Variants in NPNT observed in about 807,000 individuals in gnomAD.
NPNT encodes nephronectin.
Under a neutral mutation model 68.6 loss-of-function variants are expected in NPNT, and 45 were observed. That is an observed-to-expected ratio of 0.66 (90% CI 0.52 to 0.84). The LOEUF is 0.84. NPNT is among the 40% of genes least tolerant of loss of function. NPNT has a pLI of 0.00. For synonymous variants in NPNT, 233 were observed against 253.3 expected, an observed-to-expected ratio of 0.92 and a Z score of 0.76; for missense variants, 672 against 714.8, an observed-to-expected ratio of 0.94 and a Z score of 0.68.
intron 2 of NPNT, among the ~76,000 whole-genome samples, chr4:105,925,836 A>C (rs1728636616): frequency 6.6e-6 from 1 of 152,124 alleles, no homozygotes; most frequent in African/African-American, 2.4e-5. Context: ...CATCCTACAT[A>C]CCATCACCAG....
intron 2 of NPNT, among the ~76,000 whole-genome samples, chr4:105,906,509 A>G (rs1225617905): frequency 6.6e-6 from 1 of 152,224 alleles, no homozygotes. Flanking sequence ...ACGTTCAGCT[A>G]GATACAGCCC....
intron 7 of NPNT, 104 bp downstream of exon 7, chr4:105,940,740 A>C (rs192998733): frequency 2.0e-6 from 2 of 994,440 alleles, no homozygotes; most frequent in Admixed American, 4.7e-5. Flanking sequence ...AAAGAAGTAT[A>C]ATTGTCATAA....
Position 105,938,293 on chromosome 4 carries a change from C to T in NPNT, c.386-8C>T, listed in dbSNP as rs1187624537. 6.2e-7 allele frequency: 1 copy of T among 1,611,962 alleles called. No individual in the cohort carries two copies. Among genetic ancestry groups the T allele is most frequent in the South Asian group, 1.1e-5 (1 of 90,644 alleles). ...CCTGTCTGAGTCAGCCAGTCACTCT[C>T]TTTCCAGGTGCCCTGACCTGCTCCA... On this transcript the variant is annotated splice_region_variant and splice_polypyrimidine_tract_variant and intron_variant, in intron 4 of 11. Transcript: ENST00000379987.
chr4:105,926,392 G>A (rs985738999), intron 2 of NPNT, among the ~76,000 whole-genome samples: 4 of 152,120 alleles, frequency 2.6e-5, no homozygotes, highest in African/African-American at 9.7e-5. Context: ...TCCGAGTCTG[G>A]CACGATGACA....
intron 2 of NPNT, among the ~76,000 whole-genome samples, chr4:105,903,384 G>A (rs929544733): frequency 2.0e-5 from 3 of 152,144 alleles, no homozygotes; most frequent in African/African-American, 7.2e-5. Flanking sequence ...ACAGGGGTGG[G>A]CCTTCATCAC....
At chr4:105,914,816 C>T (rs952392370) in intron 2 of NPNT, among the ~76,000 whole-genome samples, 7 of 152,008 alleles carry the variant, frequency 4.6e-5, no homozygotes, top group Admixed American at 1.3e-4. Context: ...GAGCACATTC[C>T]GAGAACTGTT....
At chr4:105,948,398 G>A (rs1730554130) in intron 8 of NPNT, among the ~76,000 whole-genome samples, 1 of 152,114 alleles carries the variant, frequency 6.6e-6, no homozygotes, top group Non-Finnish European at 1.5e-5. Context: ...ACATCACTTT[G>A]GAAGAGTTAC....
rs1732534708 is a variant in NPNT, at chr4:105,971,126, G to C, written c.*2136G>C. On this transcript the variant is annotated 3_prime_UTR_variant, in exon 12 of 12. Transcript: ENST00000379987. ...TTTTTTTTTTAAGAGATCCTTCAAG[G>C]AACACAGTTCAGAGAGATTTTCATC... 2.2e-6 allele frequency: 1 copy of C among 452,360 alleles called. No individual in the cohort carries two copies. The highest frequency in any genetic ancestry group is 4.5e-6 in the Non-Finnish European group (1 of 224,220). 28.0% of individuals were successfully genotyped at this position (452,360 alleles called of 1,614,324 possible).
At position 105,940,085 on chromosome 4, in the gene NPNT, A is replaced by G; in HGVS notation, c.516A>G (p.Glu172=). Residue 172 remains glutamate, a synonymous_variant, in exon 6 of 12, where the codon GAA becomes GAG. Coordinates refer to ENST00000379987, the MANE Select transcript of NPNT (RefSeq NM_001033047.3). Reference sequence around the variant, plus strand: ...GACTTATGTTTCTAGATGTTGATGAATGTGCTACAGGAAGAGCCTCCTGCC... The same window carrying G: ...GACTTATGTTTCTAGATGTTGATGAGTGTGCTACAGGAAGAGCCTCCTGCC... The part of the protein sequence containing the change: ...PDGRTCVDVD[E]CATGRASCPR... The G allele has an allele frequency of 6.2e-7, 1 of 1,613,324 alleles. No individual in the cohort carries two copies. The highest frequency in any genetic ancestry group is 8.5e-7 in the Non-Finnish European group (1 of 1,179,430).
intron 2 of NPNT, among the ~76,000 whole-genome samples, chr4:105,917,165 C>T (rs1727886807): frequency 6.6e-6 from 1 of 152,216 alleles, no homozygotes; most frequent in Non-Finnish European, 1.5e-5. Context: ...TTCAGGCTGA[C>T]ATTGCCTTAT....
intron 8 of NPNT, among the ~76,000 whole-genome samples, chr4:105,950,080 T>C (rs1054414603): frequency 2.0e-5 from 3 of 152,262 alleles, no homozygotes; most frequent in Non-Finnish European, 2.9e-5. Flanking sequence ...GTGAGGATTC[T>C]GATTCTTAAT....
chr4:105,929,176 C>A (rs558343490), intron 3 of NPNT, among the ~76,000 whole-genome samples: 1 of 152,188 alleles, frequency 6.6e-6, no homozygotes, highest in East Asian at 1.9e-4. Context: ...TGTTCAACTC[C>A]CACTTATGAA....
Position 105,971,226 on chromosome 4 carries a change from AGACCTTTCCTT to A in NPNT, c.*2237_*2247del, listed in dbSNP as rs1294463384. On this transcript the variant is annotated 3_prime_UTR_variant, in exon 12 of 12. Transcript: ENST00000379987. ...AAAGAGTGCCCTGCCCCACACCGGC[AGACCTTTCCTT>A]CACCTCATCAGTATGATTCAGTTTC... 1.1e-5 allele frequency: 5 copies of A among 449,390 alleles called. No individual in the cohort carries two copies. Among genetic ancestry groups the A allele is most frequent in the African/African-American group, 4.0e-5 (2 of 49,688 alleles). 27.8% of individuals were successfully genotyped at this position (449,390 alleles called of 1,614,324 possible).
chr4:105,916,283 G>A (rs1269076838), intron 2 of NPNT, among the ~76,000 whole-genome samples: 1 of 151,288 alleles, frequency 6.6e-6, no homozygotes, highest in Non-Finnish European at 1.5e-5. Flanking sequence ...GCAATGGTGC[G>A]AGCTCTGCTC....
intron 1 of NPNT, chr4:105,895,987 G>C (rs910939062): frequency 6.1e-6 from 3 of 495,118 alleles, no homozygotes; most frequent in Non-Finnish European, 1.1e-5. Context: ...AATTAGGACT[G>C]AGGGAGAGGA....
chr4:105,921,405 T>C (rs962240140), intron 2 of NPNT, among the ~76,000 whole-genome samples: 1 of 152,232 alleles, frequency 6.6e-6, no homozygotes, highest in African/African-American at 2.4e-5. Context: ...GAAGATAGTG[T>C]CTGCCTCTCT....
At chr4:105,963,274 AATT>A (rs1731877302) in intron 10 of NPNT, among the ~76,000 whole-genome samples, 1 of 152,130 alleles carries the variant, frequency 6.6e-6, no homozygotes, top group Non-Finnish European at 1.5e-5. Flanking sequence ...TTACCAAGCT[AATT>A]ATTTACCTAT....
intron 3 of NPNT, among the ~76,000 whole-genome samples, chr4:105,934,564 A>G (rs1640068159): frequency 6.6e-6 from 1 of 152,206 alleles, no homozygotes; most frequent in Non-Finnish European, 1.5e-5. Flanking sequence ...GGCAGTCACT[A>G]GGGATATTAA....
intron 10 of NPNT, among the ~76,000 whole-genome samples, chr4:105,961,930 C>T (rs1010959722): frequency 3.9e-5 from 6 of 152,010 alleles, no homozygotes; most frequent in Admixed American, 6.5e-5. Context: ...AACCAGCATT[C>T]GAAAAATTAG....
Sources: gnomAD v4.1 joint callset for allele counts (sites outside exome capture counted in the v4.1 genomes callset) on GRCh38, gnomAD v4.1.1 for gene constraint, MANE v1.5 for transcripts, NCBI Gene and HGNC (gene_info 2026-07-23, HGNC 2026-07-21) for gene names.